Variants in MTX2 observed in about 807,000 individuals in gnomAD.
MTX2 encodes metaxin 2.
A neutral mutation model predicts 42.3 loss-of-function variants in MTX2; 35 were observed. The observed-to-expected ratio is 0.83, with a 90% CI of 0.63 to 1.10. MTX2 has a LOEUF of 1.10. Ranked by LOEUF, MTX2 falls within the 50% of genes least tolerant of loss-of-function variation. The probability of loss-of-function intolerance (pLI) is 0.00; values close to 1 mark genes in which losing one functional copy is unlikely to be tolerated. For missense variants in MTX2, 307 were observed against 304.1 expected (o/e 1.01, Z -0.07); for synonymous variants, 119 against 100.9 (o/e 1.18, Z -1.08).
rs115757881 is a variant in MTX2 at position 176,329,248 on chromosome 2, C to T, written c.418-53C>T. 2.0e-3 allele frequency: 3,033 copies of T among 1,516,532 alleles called. 54 individuals are homozygous for T. In the African/African-American group the frequency reaches 0.038, roughly 19 times the overall value. The allele number at this position is 1,516,532 out of a possible 1,614,324, so 93.9% of individuals were successfully genotyped here. A position where few individuals can be genotyped will look rare whatever the true frequency, so the allele number is the denominator to read the frequency against. ...TCTTTTAGAATTCTATTTGTAAAAA[C>T]GGGCATTGTTTTTAGGAAGGATCAC... On this transcript the variant is annotated intron_variant, in intron 7 of 9. Transcript: ENST00000249442.
In MTX2 at chr2:176,310,505, G is replaced by A. The variant is rs182527537; in HGVS notation, c.135+12610G>A. Among the ~76,000 whole-genome samples, 216 of 152,256 alleles carry A rather than the reference G, an allele frequency of 1.4e-3. 2 individuals carry two copies. The highest frequency in any genetic ancestry group is 4.8e-3 in the African/African-American group (198 of 41,550). ...ATCCTGAAGAGTGTTTTCCAGGTTG[G>A]TTCCATTCCCCATCACTTTCAGATA... On this transcript the variant is annotated intron_variant, in intron 3 of 9. Transcript: ENST00000249442.
intron 3 of MTX2, 30 bp downstream of exon 3, chr2:176,297,925 T>TC: frequency 6.6e-7 from 1 of 1,511,600 alleles, no homozygotes. Context: ...AATATCTTTT[T>TC]CACCCCCTAG....
At chr2:176,277,159 A>G (rs1692969575) in intron 1 of MTX2, among the ~76,000 whole-genome samples, 1 of 152,216 alleles carries the variant, frequency 6.6e-6, no homozygotes. Context: ...TTATATTGGT[A>G]ATAAAGTGTT....
At position 176,277,489 on chromosome 2, in the gene MTX2, G is replaced by A. The variant is rs183027785; in HGVS notation, c.40+7820G>A. ...ACAATCTTGGCTCACTGCAACCTCC[G>A]CCTCCTGGGTTCAAGTGATTCTCCT... On this transcript the variant is annotated intron_variant, in intron 1 of 9. Transcript: ENST00000249442. 5.0e-4 allele frequency among the ~76,000 whole-genome samples: 76 copies of A among 152,230 alleles called. 1 individual carries two copies. The East Asian group carries it at 0.011, about 23-fold the overall frequency.
At chr2:176,286,678 T>C (rs1279318306) in intron 1 of MTX2, among the ~76,000 whole-genome samples, 1 of 151,990 alleles carries the variant, frequency 6.6e-6, no homozygotes, top group Non-Finnish European at 1.5e-5. Context: ...GCCTCCCAAG[T>C]AGCTGGGATT....
chr2:176,333,866 A>G (rs1323841493), intron 9 of MTX2, among the ~76,000 whole-genome samples: 1 of 151,728 alleles, frequency 6.6e-6, no homozygotes, highest in Non-Finnish European at 1.5e-5. Context: ...AATAGGGTGT[A>G]CCATATACTC....
At chr2:176,295,070 C>T (rs1443336965) in intron 1 of MTX2, among the ~76,000 whole-genome samples, 1 of 152,124 alleles carries the variant, frequency 6.6e-6, no homozygotes, top group Admixed American at 6.5e-5. Flanking sequence ...TATCTTCTTT[C>T]TTTCTACAGA....
chr2:176,293,261 A>G (rs1199560757), intron 1 of MTX2, among the ~76,000 whole-genome samples: 1 of 152,266 alleles, frequency 6.6e-6, no homozygotes, highest in East Asian at 1.9e-4. Context: ...CTTCACATGT[A>G]TAAATTTCTT....
intron 3 of MTX2, among the ~76,000 whole-genome samples, chr2:176,306,764 T>C (rs1684158879): frequency 6.6e-6 from 1 of 152,208 alleles, no homozygotes; most frequent in African/African-American, 2.4e-5. Context: ...GGTTGTTTTT[T>C]TCTTGTAAAT....
At chr2:176,330,471 GTTAAC>G (rs1267177744) in intron 8 of MTX2, 108 bp from the exon 9 acceptor site, 5 of 609,626 alleles carry the variant, frequency 8.2e-6, no homozygotes, top group African/African-American at 3.7e-5. Context: ...ATTATAAAAG[GTTAAC>G]TTAAATTTAT....
rs994015105 is a variant in MTX2 at position 176,269,579 on chromosome 2, C to A, written c.-51C>A. ...GAGCCTCCGGGTTTGCGGTGGAGGA[C>A]GCTGAGGCCCGTGGGGGGCAGGCAC... On this transcript the variant is annotated 5_prime_UTR_variant, in exon 1 of 10. Transcript: ENST00000249442. 8.4e-6 allele frequency: 13 copies of A among 1,541,944 alleles called. No homozygotes were observed. Among genetic ancestry groups the A allele is most frequent in the Admixed American group, 2.0e-5 (1 of 51,062 alleles).
intron 1 of MTX2, 107 bp from the exon 2 acceptor site, chr2:176,296,753 G>A: frequency 8.8e-7 from 1 of 1,137,644 alleles, no homozygotes; most frequent in Non-Finnish European, 1.3e-6. Context: ...GTCAACCTTA[G>A]CAAATGACTT....
intron 1 of MTX2, among the ~76,000 whole-genome samples, chr2:176,291,933 C>A (rs941851443): frequency 2.0e-5 from 3 of 152,136 alleles, no homozygotes; most frequent in Admixed American, 2.0e-4. Context: ...ATGAGGTAGG[C>A]TGATAGAGAG....
intron 1 of MTX2, among the ~76,000 whole-genome samples, chr2:176,284,480 A>G (rs1417904823): frequency 2.0e-5 from 3 of 152,224 alleles, no homozygotes; most frequent in Non-Finnish European, 4.4e-5. Flanking sequence ...ATTGATCTCT[A>G]GTCACAGATA....
Position 176,337,553 on chromosome 2 carries a change from G to A in MTX2, c.681G>A (p.Leu227=). 6.2e-7 allele frequency: 1 copy of A among 1,613,162 alleles called. No homozygotes were observed. Among genetic ancestry groups the A allele is most frequent in the Non-Finnish European group, 8.5e-7 (1 of 1,179,472 alleles). ...GHLYTILTTQ[L]TNDELSEKVK... ...TATACACCATTCTTACCACACAATTGACAAATGATGAACTTTCTGAGAAGG... is the reference window on the plus strand; with the variant it reads ...TATACACCATTCTTACCACACAATTAACAAATGATGAACTTTCTGAGAAGG... Residue 227 remains leucine (L), a synonymous_variant, in exon 10 of 10, where the codon TTG becomes TTA. Transcript: ENST00000249442.
intron 3 of MTX2, among the ~76,000 whole-genome samples, chr2:176,319,881 GTAGAGAGAA>G: frequency 6.6e-6 from 1 of 152,088 alleles, no homozygotes; most frequent in East Asian, 1.9e-4. Context: ...AAAAATTTTT[GTAGAGAGAA>G]GCTCTCACTA....
intron 1 of MTX2, chr2:176,270,156 GACTCT>G (rs1163999094): frequency 3.2e-6 from 1 of 308,758 alleles, no homozygotes; most frequent in African/African-American, 2.2e-5. Context: ...CATTTGCTAA[GACTCT>G]AGGAGTTATT....
intron 3 of MTX2, among the ~76,000 whole-genome samples, chr2:176,307,898 C>T (rs964468441): frequency 2.6e-5 from 4 of 152,140 alleles, no homozygotes; most frequent in African/African-American, 9.7e-5. Context: ...ATTTCCTTCT[C>T]TTGCCTGATT....
At chr2:176,330,188 T>G (rs1364416017) in intron 8 of MTX2, among the ~76,000 whole-genome samples, 1 of 151,014 alleles carries the variant, frequency 6.6e-6, no homozygotes, top group Non-Finnish European at 1.5e-5. Context: ...ATTAAGCAGA[T>G]TTTTTGGTAT....
Sources: allele counts gnomAD v4.1 joint callset (sites outside exome capture counted in the v4.1 genomes callset), GRCh38; gene constraint gnomAD v4.1.1; transcripts MANE v1.5; gene names NCBI Gene and HGNC (gene_info 2026-07-23, HGNC 2026-07-21).